Variants in HS3ST4 observed in about 807,000 individuals in gnomAD.
HS3ST4 encodes the protein heparan sulfate-glucosamine 3-sulfotransferase 4.
In HS3ST4, 17 loss-of-function variants were observed where a neutral mutation model predicts 29.2. That is an observed-to-expected ratio of 0.58 (90% CI 0.40 to 0.87). HS3ST4 has a LOEUF of 0.87. HS3ST4 is among the 40% of genes least tolerant of loss of function. The probability of loss-of-function intolerance (pLI) is 0.00; values close to 1 mark genes in which losing one functional copy is unlikely to be tolerated. For missense variants in HS3ST4, 627 were observed against 634.5 expected, an observed-to-expected ratio of 0.99 and a Z score of 0.13; for synonymous variants, 314 against 285.7, an observed-to-expected ratio of 1.10 and a Z score of -1.00.
chr16:26,130,429 G>A (rs190959718), intron 1 of HS3ST4, among the ~76,000 whole-genome samples: 16 of 152,242 alleles, frequency 1.1e-4, no homozygotes, highest in East Asian at 7.7e-4. Context: ...TTGGAATGTC[G>A]TTTGTTTTTC....
At chr16:26,058,585 TC>T (rs906890453) in intron 1 of HS3ST4, among the ~76,000 whole-genome samples, 3 of 152,210 alleles carry the variant, frequency 2.0e-5, no homozygotes, top group Non-Finnish European at 4.4e-5. Flanking sequence ...CAGGATTCTT[TC>T]CTGTCCATCA....
At chr16:25,879,455 G>T (rs931315040) in intron 1 of HS3ST4, among the ~76,000 whole-genome samples, 1 of 152,072 alleles carries the variant, frequency 6.6e-6, no homozygotes, top group African/African-American at 2.4e-5. Flanking sequence ...GGCACGTCTC[G>T]CATGGCAGCA....
At chr16:25,860,369 G>A (rs190572544) in intron 1 of HS3ST4, among the ~76,000 whole-genome samples, 10 of 152,266 alleles carry the variant, frequency 6.6e-5, no homozygotes, top group Admixed American at 2.0e-4. Context: ...TTTACCCGAA[G>A]GAGAAGAAAA....
intron 1 of HS3ST4, among the ~76,000 whole-genome samples, chr16:25,747,132 G>A (rs1397074834): frequency 2.0e-5 from 3 of 152,194 alleles, no homozygotes; most frequent in Admixed American, 2.0e-4. Flanking sequence ...TGGGATGACA[G>A]GTGAGAGCCA....
chr16:26,072,909 T>C (rs1429314498), intron 1 of HS3ST4, among the ~76,000 whole-genome samples: 3 of 152,234 alleles, frequency 2.0e-5, no homozygotes, highest in Non-Finnish European at 4.4e-5. Context: ...AGCCAAAAGT[T>C]GTTCATTGTA....
chr16:25,802,838 T>C (rs1326568927), intron 1 of HS3ST4, among the ~76,000 whole-genome samples: 1 of 151,990 alleles, frequency 6.6e-6, no homozygotes, highest in East Asian at 1.9e-4. Context: ...CTTACACTTT[T>C]GTTGCTAGTG....
intron 1 of HS3ST4, among the ~76,000 whole-genome samples, chr16:26,084,258 T>C (rs891794106): frequency 1.3e-5 from 2 of 152,196 alleles, no homozygotes; most frequent in Non-Finnish European, 2.9e-5. Flanking sequence ...AGACTTAATA[T>C]GTTTAATCCC....
chr16:25,827,444 A>G (rs1967230521), intron 1 of HS3ST4, among the ~76,000 whole-genome samples: 1 of 151,992 alleles, frequency 6.6e-6, no homozygotes, highest in Non-Finnish European at 1.5e-5. Context: ...AAGTCAGAAT[A>G]CAGTTCCCCA....
intron 1 of HS3ST4, among the ~76,000 whole-genome samples, chr16:26,118,334 A>T (rs1899226049): frequency 6.6e-6 from 1 of 151,838 alleles, no homozygotes; most frequent in Non-Finnish European, 1.5e-5. Flanking sequence ...TCTGCCTTGG[A>T]CTCCCAAAGT....
chr16:26,120,698 A>T (rs1281389616), intron 1 of HS3ST4, among the ~76,000 whole-genome samples: 2 of 152,338 alleles, frequency 1.3e-5, no homozygotes, highest in South Asian at 4.1e-4. Flanking sequence ...GCAGCCAGGC[A>T]TGATTGACCC....
At chr16:25,902,127 T>C (rs145626914) in intron 1 of HS3ST4, among the ~76,000 whole-genome samples, 4 of 152,244 alleles carry the variant, frequency 2.6e-5, no homozygotes, top group East Asian at 1.9e-4. Flanking sequence ...CCCAACCAAA[T>C]TGATAATCAG....
intron 1 of HS3ST4, among the ~76,000 whole-genome samples, chr16:26,115,965 A>G (rs758468885): frequency 1.3e-5 from 2 of 152,214 alleles, no homozygotes; most frequent in Admixed American, 1.3e-4. Flanking sequence ...GTGATTCTCT[A>G]TAGCTGCGTA....
At chr16:26,082,365 G>T (rs1036424873) in intron 1 of HS3ST4, among the ~76,000 whole-genome samples, 7 of 152,038 alleles carry the variant, frequency 4.6e-5, no homozygotes, top group Non-Finnish European at 4.4e-5. Context: ...TTACTTAAAG[G>T]TGTCTTAACT....
intron 1 of HS3ST4, among the ~76,000 whole-genome samples, chr16:25,994,186 C>T (rs1236163867): frequency 6.6e-6 from 1 of 152,090 alleles, no homozygotes; most frequent in Non-Finnish European, 1.5e-5. Flanking sequence ...GGGAGACAGG[C>T]ACAAATATTC....
chr16:25,847,591 T>C (rs529546245), intron 1 of HS3ST4, among the ~76,000 whole-genome samples: 2 of 152,202 alleles, frequency 1.3e-5, no homozygotes, highest in African/African-American at 2.4e-5. Context: ...GAAATGCTTA[T>C]AGTGTGTCAC....
At chr16:25,897,465 T>C (rs1270029506) in intron 1 of HS3ST4, among the ~76,000 whole-genome samples, 2 of 152,058 alleles carry the variant, frequency 1.3e-5, no homozygotes, top group East Asian at 1.9e-4. Context: ...ACAAAAATGA[T>C]AATATAAAAT....
At chr16:25,737,173 C>T (rs909416068) in intron 1 of HS3ST4, among the ~76,000 whole-genome samples, 9 of 152,038 alleles carry the variant, frequency 5.9e-5, no homozygotes, top group Admixed American at 2.0e-4. Flanking sequence ...TAAAAAAGTA[C>T]GAGATCATGT....
At chr16:25,799,158 T>C (rs1375274810) in intron 1 of HS3ST4, among the ~76,000 whole-genome samples, 1 of 152,196 alleles carries the variant, frequency 6.6e-6, no homozygotes, top group East Asian at 1.9e-4. Context: ...CACGTGTTTA[T>C]TTTTTGGTTG....
intron 1 of HS3ST4, among the ~76,000 whole-genome samples, chr16:26,050,301 T>TCC (rs1177119758): frequency 6.6e-6 from 1 of 151,918 alleles, no homozygotes; most frequent in Non-Finnish European, 1.5e-5. Flanking sequence ...TCTCTGTCTC[T>TCC]CTCTCTCTCT....
Sources: gnomAD v4.1 joint callset for allele counts (sites outside exome capture counted in the v4.1 genomes callset) on GRCh38, gnomAD v4.1.1 for gene constraint, MANE v1.5 for transcripts, NCBI Gene and HGNC (gene_info 2026-07-23, HGNC 2026-07-21) for gene names.